RBFOX1: variants seen among roughly 807,000 people sequenced by gnomAD.
RBFOX1 encodes the protein RNA binding protein fox-1 homolog 1.
Under a neutral mutation model 57.7 loss-of-function variants are expected in RBFOX1, and 8 were observed. The observed-to-expected ratio is 0.14, with a 90% CI of 0.08 to 0.25. The LOEUF is 0.25. Ranked by LOEUF, RBFOX1 falls within the 10% of genes least tolerant of loss-of-function variation. The pLI is 1.00. For synonymous variants in RBFOX1, 326 were observed against 222.4 expected (o/e 1.47, Z -4.15); for missense variants, 611 against 548.5 (o/e 1.11, Z -1.14).
At position 5,868,972 on chromosome 16, in the gene RBFOX1, T is replaced by TA. The variant is rs138892506; in HGVS notation, c.351+1644dup. Among the ~76,000 whole-genome samples the TA allele has an allele frequency of 8.3e-3, 1,258 of 152,280 alleles. 11 individuals are homozygous for TA. The highest frequency in any genetic ancestry group is 0.028 in the African/African-American group (1,181 of 41,538). On this transcript the variant is annotated intron_variant, in intron 4 of 19. Coordinates refer to the RBFOX1 transcript ENST00000641259. ...TGCACGCATCGTTATATAAAATCCT[T>TA]AAAAAAATTTTGTGATGTATAGGCT... is the stretch of plus-strand genomic sequence containing the variant.
chr16:7,039,269 G>A lies in RBFOX1; in HGVS notation c.-15-12788G>A, dbSNP rs1051090012. Among the ~76,000 whole-genome samples the A allele has an allele frequency of 2.8e-4, 43 of 152,204 alleles. 1 individual carries two copies. Among genetic ancestry groups the A allele is most frequent in the African/African-American group, 1.0e-3 (42 of 41,536 alleles). On this transcript the variant is annotated intron_variant, in intron 3 of 15. Coordinates refer to ENST00000550418, the MANE Select transcript of RBFOX1 (RefSeq NM_018723.4). Reference sequence around the variant, plus strand: ...AATCCATTATTATTTTTTCTACTTAGTACTTAGCCTTGACAAGCTCTTTCG... The same window carrying A: ...AATCCATTATTATTTTTTCTACTTAATACTTAGCCTTGACAAGCTCTTTCG...
At chr16:6,921,645 A>ATTTT (rs372298051) in intron 3 of RBFOX1, among the ~76,000 whole-genome samples, 22 of 55,284 alleles carry the variant, frequency 4.0e-4, no homozygotes, top group African/African-American at 1.3e-3. Context: ...ATATATATAT[A>ATTTT]TTTTTTTTTT....
chr16:6,590,178 C>CAT (rs1414412404), intron 2 of RBFOX1, among the ~76,000 whole-genome samples: 1 of 152,150 alleles, frequency 6.6e-6, no homozygotes, highest in African/African-American at 2.4e-5. Flanking sequence ...GTTCACATGG[C>CAT]ATATTCAAAT....
Position 5,813,635 on chromosome 16 carries a change from C to T in RBFOX1, c.319-53668C>T, listed in dbSNP as rs186000991. ...GTCTCACTATTGAGTTTTAAGTGTT[C>T]TTTATATAACAGGGATCCTGTATCA... On this transcript the variant is annotated intron_variant, in intron 3 of 19. Coordinates refer to the RBFOX1 transcript ENST00000641259. Among the ~76,000 whole-genome samples the T allele has an allele frequency of 8.4e-3, 1,282 of 152,244 alleles. 12 individuals carry two copies. The highest frequency in any genetic ancestry group is 0.014 in the Non-Finnish European group (931 of 68,018).
intron 4 of RBFOX1, among the ~76,000 whole-genome samples, chr16:5,955,356 A>T (rs9933051): frequency 0.018 from 498 of 26,964 alleles, 18 homozygotes; most frequent in Middle Eastern, 0.05. Context: ...TAAAATAAAT[A>T]AAAATAAAAT....
chr16:6,147,373 A>G (rs534740301), intron 1 of RBFOX1, among the ~76,000 whole-genome samples: 2 of 152,150 alleles, frequency 1.3e-5, no homozygotes, highest in East Asian at 3.9e-4. Flanking sequence ...CCTTTCCCAT[A>G]CAGATCCAGT....
In RBFOX1 at chr16:5,856,282, T is replaced by C. The variant is rs1477091936; in HGVS notation, c.319-11021T>C. 1.5e-3 allele frequency among the ~76,000 whole-genome samples: 46 copies of C among 29,976 alleles called. 3 individuals are homozygous for C. Among genetic ancestry groups the C allele is most frequent in the African/African-American group, 4.6e-3 (46 of 9,944 alleles). The allele number at this position is 29,976 out of a possible 152,430, so 19.7% of individuals were successfully genotyped here. ...ATATGTATATATATATACACATATATATACACACACACACACACACACACA... is the reference window on the plus strand; with the variant it reads ...ATATGTATATATATATACACATATACATACACACACACACACACACACACA... On this transcript the variant is annotated intron_variant, in intron 3 of 19. Transcript: ENST00000641259.
intron 3 of RBFOX1, among the ~76,000 whole-genome samples, chr16:6,667,115 T>TGG (rs1455794462): frequency 1.3e-5 from 2 of 152,060 alleles, no homozygotes; most frequent in African/African-American, 2.4e-5. Context: ...GGTGGTGGGT[T>TGG]GGGGGAGAGG....
intron 3 of RBFOX1, among the ~76,000 whole-genome samples, chr16:5,640,299 G>C (rs1488419438): frequency 6.6e-6 from 1 of 152,192 alleles, no homozygotes; most frequent in Non-Finnish European, 1.5e-5. Flanking sequence ...GTGAATGGGA[G>C]AGAGTATTTA....
At chr16:6,675,822 CA>C (rs1239016756) in intron 3 of RBFOX1, among the ~76,000 whole-genome samples, 10 of 152,026 alleles carry the variant, frequency 6.6e-5, no homozygotes, top group Non-Finnish European at 1.0e-4. Flanking sequence ...TATCTCCCAC[CA>C]GGCCCCTCCC....
chr16:7,352,988 C>G (rs2097154733), intron 4 of RBFOX1, among the ~76,000 whole-genome samples: 1 of 152,070 alleles, frequency 6.6e-6, no homozygotes, highest in South Asian at 2.1e-4. Context: ...AGTGCTGAGA[C>G]TGCAAGTATG....
At chr16:7,184,412 G>C (rs1308863754) in intron 4 of RBFOX1, among the ~76,000 whole-genome samples, 3 of 152,214 alleles carry the variant, frequency 2.0e-5, no homozygotes, top group African/African-American at 7.2e-5. Flanking sequence ...CATGATGGTG[G>C]TTATAGCATA....
At chr16:5,805,318 C>G (rs979325673) in intron 3 of RBFOX1, among the ~76,000 whole-genome samples, 3 of 152,114 alleles carry the variant, frequency 2.0e-5, no homozygotes, top group Non-Finnish European at 4.4e-5. Context: ...TTTACCAACT[C>G]GTGTGTCACA....
At chr16:6,717,778 C>A (rs1293318688) in intron 3 of RBFOX1, among the ~76,000 whole-genome samples, 1 of 152,098 alleles carries the variant, frequency 6.6e-6, no homozygotes, top group Non-Finnish European at 1.5e-5. Context: ...GGCTGCAATT[C>A]TCAACATGGA....
intron 1 of RBFOX1, among the ~76,000 whole-genome samples, chr16:6,028,542 G>T (rs910761679): frequency 1.4e-5 from 2 of 148,140 alleles, no homozygotes; most frequent in Admixed American, 6.8e-5. Context: ...AAATTAGCTG[G>T]GTGTGGTAGC....
At chr16:7,639,874 C>G (rs1201879551) in intron 11 of RBFOX1, among the ~76,000 whole-genome samples, 3 of 152,138 alleles carry the variant, frequency 2.0e-5, no homozygotes. Context: ...AATCATAGCA[C>G]TTATCTATTT....
rs2095217886 is a variant in RBFOX1 at position 6,473,217 on chromosome 16, T to C, written c.-64+156160T>C. Among the ~76,000 whole-genome samples the C allele has an allele frequency of 2.6e-5, 4 of 152,198 alleles. No homozygotes were observed. The South Asian group carries it at 8.3e-4, about 31-fold the overall frequency. ...GCCCTGCCTACTTATCTATTTTGTTTTCTGGTGATTAGTGAACATGGATCA... is the reference window on the plus strand; with the variant it reads ...GCCCTGCCTACTTATCTATTTTGTTCTCTGGTGATTAGTGAACATGGATCA... On this transcript the variant is annotated intron_variant, in intron 2 of 15. Transcript: ENST00000550418.
intron 2 of RBFOX1, among the ~76,000 whole-genome samples, chr16:6,502,998 TATAG>T (rs1053767941): frequency 2.0e-5 from 3 of 152,172 alleles, no homozygotes; most frequent in African/African-American, 4.8e-5. Context: ...GATATTAATG[TATAG>T]ATAGATAAAT....
chr16:6,498,174 C>T (rs989043870), intron 2 of RBFOX1, among the ~76,000 whole-genome samples: 1 of 151,188 alleles, frequency 6.6e-6, no homozygotes, highest in Non-Finnish European at 1.5e-5. Context: ...ATCACTACTA[C>T]CTGGGAGGTG....
Sources: allele counts gnomAD v4.1 joint callset (sites outside exome capture counted in the v4.1 genomes callset), GRCh38; gene constraint gnomAD v4.1.1; transcripts MANE v1.5; gene names NCBI Gene and HGNC (gene_info 2026-07-23, HGNC 2026-07-21).